DPP6: variants seen among roughly 807,000 people sequenced by gnomAD.
The protein encoded by DPP6 is dipeptidyl peptidase like 6, also known as A-type potassium channel modulatory protein DPP6.
A neutral mutation model predicts 122.6 loss-of-function variants in DPP6; 69 were observed. That is an observed-to-expected ratio of 0.56 (90% CI 0.46 to 0.69). The LOEUF (loss-of-function observed/expected upper bound fraction) is 0.69, where lower values mean the gene tolerates loss of function less well. DPP6 is among the 30% of genes least tolerant of loss of function. The pLI, the probability that DPP6 is intolerant of heterozygous loss-of-function variation, is 0.00. For synonymous variants in DPP6, 418 were observed against 433.1 expected (o/e 0.97, Z 0.43); for missense variants, 928 against 1,116.9 (o/e 0.83, Z 2.41).
At chr7:154,580,183 A>T (rs1831965296) in intron 5 of DPP6, among the ~76,000 whole-genome samples, 1 of 150,288 alleles carries the variant, frequency 6.7e-6, no homozygotes, top group African/African-American at 2.4e-5. Flanking sequence ...ACATGCACAC[A>T]TACTCTCCCT....
At chr7:154,196,862 A>G (rs1010240453) in intron 1 of DPP6, among the ~76,000 whole-genome samples, 1 of 152,060 alleles carries the variant, frequency 6.6e-6, no homozygotes, top group Non-Finnish European at 1.5e-5. Context: ...ACTCTTCCCC[A>G]TGGGATACTC....
chr7:154,206,451 C>T (rs911823634), intron 1 of DPP6, among the ~76,000 whole-genome samples: 1 of 152,174 alleles, frequency 6.6e-6, no homozygotes, highest in Non-Finnish European at 1.5e-5. Flanking sequence ...TATGCTCTTG[C>T]CCCAGACATA....
chr7:154,735,616 A>T (rs1332084382), intron 8 of DPP6, among the ~76,000 whole-genome samples: 1 of 152,180 alleles, frequency 6.6e-6, no homozygotes, highest in Non-Finnish European at 1.5e-5. Flanking sequence ...AATGATCTTG[A>T]CTTGAAGAAC....
At chr7:154,647,754 T>C (rs1367270166) in intron 6 of DPP6, among the ~76,000 whole-genome samples, 2 of 152,248 alleles carry the variant, frequency 1.3e-5, no homozygotes, top group Non-Finnish European at 2.9e-5. Flanking sequence ...GTTTTAATTT[T>C]GGCTGTTGAT....
rs144156327 is a variant in DPP6 at position 154,486,317 on chromosome 7, A to G, written c.457+11280A>G. Among the ~76,000 whole-genome samples, 3,821 of 152,118 alleles carry G rather than the reference A, an allele frequency of 0.025. 161 individuals are homozygous for G. The highest frequency in any genetic ancestry group is 0.086 in the African/African-American group (3,558 of 41,496). On this transcript the variant is annotated intron_variant, in intron 3 of 25. Coordinates refer to ENST00000377770, the MANE Select transcript of DPP6 (RefSeq NM_130797.4). This position sits in a 1 kb window ranked among gnomAD's most constrained non-coding sequence, Gnocchi z 4.5. ...CCCAGCTAATTTTTGTATTTTTAGA[A>G]GAGACAGGGTTGCACCATGTTGGTC...
Position 153,936,561 on chromosome 7 carries a change from C to G in DPP6, c.51+48827C>G, listed in dbSNP as rs192627396. Reference sequence around the variant, plus strand: ...GTGGCTCATGCCTGTAATCCCAGCACTTTGGGAGGCCGAGACAGCCGGATC... The same window carrying G: ...GTGGCTCATGCCTGTAATCCCAGCAGTTTGGGAGGCCGAGACAGCCGGATC... On this transcript the variant is annotated intron_variant, in intron 1 of 25. Transcript: ENST00000404039. Among the ~76,000 whole-genome samples the G allele has an allele frequency of 4.6e-3, 697 of 152,108 alleles. 4 individuals carry two copies. The highest frequency in any genetic ancestry group is 0.015 in the African/African-American group (639 of 41,488).
chr7:153,954,208 TTGTC>T (rs1286795273), intron 1 of DPP6, among the ~76,000 whole-genome samples: 1 of 152,236 alleles, frequency 6.6e-6, no homozygotes, highest in African/African-American at 2.4e-5. Flanking sequence ...ACTATAATGT[TTGTC>T]TGTAAAGTGT....
intron 1 of DPP6, among the ~76,000 whole-genome samples, chr7:154,385,682 C>G (rs1232367398): frequency 6.6e-6 from 1 of 152,176 alleles, no homozygotes; most frequent in Non-Finnish European, 1.5e-5. Context: ...GGATTAATCA[C>G]TGACATTTAA....
the DPP6 span, among the ~76,000 whole-genome samples, chr7:153,857,342 C>T: frequency 6.6e-6 from 1 of 151,476 alleles, no homozygotes; most frequent in South Asian, 2.1e-4. Context: ...CTCTCTCTCT[C>T]TCTCTCTCTC....
At chr7:154,294,656 G>A (rs139069676) in intron 1 of DPP6, among the ~76,000 whole-genome samples, 7 of 152,290 alleles carry the variant, frequency 4.6e-5, no homozygotes, top group South Asian at 2.1e-4. Context: ...GCTAAACAGC[G>A]AGGTCTAGCC....
chr7:154,380,245 G>C (rs1340203855), intron 1 of DPP6, among the ~76,000 whole-genome samples: 1 of 152,214 alleles, frequency 6.6e-6, no homozygotes, highest in Non-Finnish European at 1.5e-5. Context: ...GAGTAGGGTT[G>C]TGTTAGAATA....
At chr7:153,855,752 G>A in the DPP6 span, among the ~76,000 whole-genome samples, 5 of 152,028 alleles carry the variant, frequency 3.3e-5, no homozygotes, top group African/African-American at 9.7e-5. Context: ...CTTAGGAAGT[G>A]CCTCAAGGTC....
the DPP6 span, among the ~76,000 whole-genome samples, chr7:153,876,134 G>A: frequency 8.1e-4 from 123 of 151,940 alleles, no homozygotes; most frequent in Middle Eastern, 0.014. Context: ...TAATAATATA[G>A]CTTCAAAATA....
chr7:154,482,134 T>C (rs1823360456), intron 3 of DPP6, among the ~76,000 whole-genome samples: 1 of 152,180 alleles, frequency 6.6e-6, no homozygotes, highest in Non-Finnish European at 1.5e-5. Context: ...ATGAGTTCTC[T>C]GGGGGAAAGC....
At chr7:154,306,311 G>A (rs1156799509) in intron 1 of DPP6, among the ~76,000 whole-genome samples, 1 of 152,218 alleles carries the variant, frequency 6.6e-6, no homozygotes. Context: ...TTCACCACGC[G>A]TGTAGACATC....
At chr7:153,859,077 A>G in the DPP6 span, among the ~76,000 whole-genome samples, 831 of 152,338 alleles carry the variant, frequency 5.5e-3, 9 homozygotes, top group African/African-American at 0.019. Context: ...ATAAGCTCAT[A>G]GAATAGATCA....
chr7:154,703,752 C>G (rs1840663162), intron 7 of DPP6, among the ~76,000 whole-genome samples: 1 of 151,918 alleles, frequency 6.6e-6, no homozygotes, highest in Non-Finnish European at 1.5e-5. Flanking sequence ...CTGGCTAACA[C>G]CGTGAAACCC....
intron 1 of DPP6, among the ~76,000 whole-genome samples, chr7:154,213,788 T>C (rs112413128): frequency 6.6e-6 from 1 of 152,240 alleles, no homozygotes; most frequent in Non-Finnish European, 1.5e-5. Context: ...GTGCCCGTCA[T>C]GCGGTCCCTT....
In DPP6 at chr7:153,896,644, A is replaced by T. The variant is rs967462327; in HGVS notation, c.51+8910A>T. 5.3e-5 allele frequency among the ~76,000 whole-genome samples: 8 copies of T among 152,252 alleles called. No homozygotes were observed. The East Asian group carries it at 1.5e-3, about 29-fold the overall frequency. ...ACATAGACAGCATCTCTACAAAAAA[A>T]TTTTTAAAAATAATTATCCAGAAGT... On this transcript the variant is annotated intron_variant, in intron 1 of 25. Coordinates refer to the DPP6 transcript ENST00000404039.
Sources: allele counts gnomAD v4.1 joint callset (sites outside exome capture counted in the v4.1 genomes callset), GRCh38; gene constraint gnomAD v4.1.1; non-coding constraint Gnocchi (gnomAD v3.1); transcripts MANE v1.5; gene names NCBI Gene and HGNC (gene_info 2026-07-23, HGNC 2026-07-21).